Variants in ADCY8 observed in about 807,000 individuals in gnomAD.
The protein encoded by ADCY8 is adenylate cyclase type 8.
A neutral mutation model predicts 119.7 loss-of-function variants in ADCY8; 51 were observed. That is an observed-to-expected ratio of 0.43 (90% CI 0.34 to 0.54). The LOEUF (loss-of-function observed/expected upper bound fraction) is 0.54, where lower values mean the gene tolerates loss of function less well. Among genes scored for constraint, ADCY8 ranks in the 20% least tolerant of loss-of-function variants. The probability of loss-of-function intolerance (pLI) is 0.03; values close to 1 mark genes in which losing one functional copy is unlikely to be tolerated. For missense variants in ADCY8, 1,383 were observed against 1,598.8 expected (o/e 0.87, Z 2.30); for synonymous variants, 665 against 651.0 (o/e 1.02, Z -0.33).
intron 5 of ADCY8, among the ~76,000 whole-genome samples, chr8:130,926,714 A>T (rs1405690413): frequency 6.6e-6 from 1 of 152,054 alleles, no homozygotes; most frequent in Non-Finnish European, 1.5e-5. Context: ...GAAATTTTGT[A>T]TCTTTTGATT....
chr8:130,867,815 T>G lies in ADCY8; in HGVS notation c.2210+31A>C, dbSNP rs1818180049. On this transcript the variant is annotated intron_variant, in intron 9 of 17. Coordinates refer to ENST00000286355, the MANE Select transcript of ADCY8 (RefSeq NM_001115.3). ...ACATGAGGAATCTCACAAAGATATT[T>G]CACCAGATCAATTAGTTCTTTTACA... 4 of 1,479,290 alleles carry G rather than the reference T, an allele frequency of 2.7e-6. No homozygotes were observed. In the South Asian group the frequency reaches 4.7e-5, roughly 17 times the overall value. The allele number at this position is 1,479,290 out of a possible 1,614,324, so 91.6% of individuals were successfully genotyped here.
At chr8:130,950,385 C>A (rs74505939) in intron 3 of ADCY8, among the ~76,000 whole-genome samples, 1,645 of 152,222 alleles carry the variant, frequency 0.011, 36 homozygotes, top group African/African-American at 0.037. Flanking sequence ...GCAAAGACAG[C>A]AATGTCAGTT....
At chr8:130,964,012 T>A (rs962243077) in intron 2 of ADCY8, among the ~76,000 whole-genome samples, 1 of 152,214 alleles carries the variant, frequency 6.6e-6, no homozygotes, top group Non-Finnish European at 1.5e-5. Flanking sequence ...ATTCCTTTGA[T>A]CATGCTAGAT....
rs528076818 is a variant in ADCY8, at chr8:130,828,578, G to A, written c.2676-7158C>T. Among the ~76,000 whole-genome samples, 13 of 152,290 alleles carry A rather than the reference G, an allele frequency of 8.5e-5. 1 individual carries two copies. In the South Asian group the frequency reaches 2.1e-3, roughly 24 times the overall value. On this transcript the variant is annotated intron_variant, in intron 12 of 17. Transcript: ENST00000286355. ...ATCCTTTCCATGAGGCAGATTGTTG[G>A]TCTTTTTCTGAAACACCCTAGCTTC...
intron 8 of ADCY8, among the ~76,000 whole-genome samples, chr8:130,869,899 GTAGT>G (rs1307193880): frequency 2.6e-5 from 4 of 151,888 alleles, no homozygotes; most frequent in African/African-American, 9.7e-5. Context: ...TCATTTTAGT[GTAGT>G]TAATCAGTAC....
rs534318440 is a variant in ADCY8, at chr8:130,866,005, G to T, written c.2210+1841C>A. On this transcript the variant is annotated intron_variant, in intron 9 of 17. Transcript: ENST00000286355. The stretch of plus-strand genomic sequence containing the variant: ...CTGTTGGCTGTATTGAGATCCTTTT[G>T]TTCCCCGGTGTGACATGCCCAGTAC... Among the ~76,000 whole-genome samples the T allele has an allele frequency of 6.7e-4, 102 of 152,174 alleles. 2 individuals are homozygous for T. Among genetic ancestry groups the T allele is most frequent in the East Asian group, 3.9e-4 (2 of 5,174 alleles).
At chr8:130,985,003 G>A (rs996660280) in intron 2 of ADCY8, among the ~76,000 whole-genome samples, 1 of 152,162 alleles carries the variant, frequency 6.6e-6, no homozygotes, top group Non-Finnish European at 1.5e-5. Context: ...AGGGGTCAAG[G>A]AGAGGCCCTT....
At chr8:130,893,882 G>A (rs535241159) in intron 7 of ADCY8, among the ~76,000 whole-genome samples, 6 of 148,054 alleles carry the variant, frequency 4.1e-5, no homozygotes, top group African/African-American at 7.9e-5. Context: ...GTGTGTTTGC[G>A]GGTGTGCATG....
chr8:130,887,283 C>T (rs1198707195), intron 7 of ADCY8, among the ~76,000 whole-genome samples: 7 of 152,062 alleles, frequency 4.6e-5, no homozygotes, highest in Non-Finnish European at 1.0e-4. Flanking sequence ...TTCGAAACTC[C>T]CCTGCTCCTC....
intron 7 of ADCY8, among the ~76,000 whole-genome samples, chr8:130,890,774 G>A (rs980877193): frequency 6.6e-6 from 1 of 152,154 alleles, no homozygotes; most frequent in Non-Finnish European, 1.5e-5. Flanking sequence ...CAGCACCTGG[G>A]CTAACTTCAG....
chr8:130,901,668 G>C (rs916842818), intron 7 of ADCY8, among the ~76,000 whole-genome samples: 29 of 152,162 alleles, frequency 1.9e-4, no homozygotes, highest in Non-Finnish European at 3.5e-4. Flanking sequence ...TTGAATACTT[G>C]TGACGGTTTT....
intron 1 of ADCY8, among the ~76,000 whole-genome samples, chr8:131,012,803 T>C (rs929398282): frequency 6.6e-6 from 1 of 152,186 alleles, no homozygotes; most frequent in African/African-American, 2.4e-5. Flanking sequence ...TTGACTGTGG[T>C]CTCTGTTGAA....
intron 15 of ADCY8, among the ~76,000 whole-genome samples, chr8:130,787,309 G>C (rs1034483595): frequency 2.0e-5 from 3 of 152,136 alleles, no homozygotes; most frequent in Non-Finnish European, 4.4e-5. Context: ...GTTAGGGATG[G>C]AGTCAGATAT....
At chr8:130,967,085 T>C (rs1477284917) in intron 2 of ADCY8, among the ~76,000 whole-genome samples, 1 of 152,240 alleles carries the variant, frequency 6.6e-6, no homozygotes, top group East Asian at 1.9e-4. Context: ...AAATTTTTGT[T>C]GCCAAAATCT....
chr8:130,990,567 G>A (rs767263506), intron 1 of ADCY8, 25 bp from the exon 2 acceptor site: 2 of 1,601,806 alleles, frequency 1.2e-6, no homozygotes, highest in South Asian at 1.1e-5. Context: ...GTCTGGTCAG[G>A]CGCTTAAAAC....
chr8:130,951,146 C>T (rs1457362475), intron 3 of ADCY8, among the ~76,000 whole-genome samples: 1 of 142,474 alleles, frequency 7.0e-6, no homozygotes, highest in Non-Finnish European at 1.5e-5. Flanking sequence ...TTATATGATC[C>T]ACATAAAACT....
At position 130,903,954 on chromosome 8, in the gene ADCY8, G is replaced by C. The variant is rs865821044; in HGVS notation, c.1729C>G (p.Leu577Val). ...TAAGTTTCGATATTATGCTTCCTCA[G>C]GAATTCATTCCTCTCTTTACCATGG... ...EGHGKERNEF[L>V]RKHNIETYLI... Residue 577 changes from leucine to valine, a missense_variant, in exon 7 of 18, where the codon CTG becomes GTG. By Grantham distance (32) the Leu-to-Val change is conservative. Coordinates refer to ENST00000286355, the MANE Select transcript of ADCY8 (RefSeq NM_001115.3). 1 of 1,614,150 alleles carries C rather than the reference G, an allele frequency of 6.2e-7. No individual in the cohort carries two copies.
At chr8:131,018,878 G>T (rs1823562977) in intron 1 of ADCY8, among the ~76,000 whole-genome samples, 1 of 152,154 alleles carries the variant, frequency 6.6e-6, no homozygotes, top group South Asian at 2.1e-4. Context: ...TAACATATAA[G>T]GAAGGGCATG....
chr8:131,038,978 G>A (rs575716700), intron 1 of ADCY8, among the ~76,000 whole-genome samples: 1 of 152,280 alleles, frequency 6.6e-6, no homozygotes, highest in East Asian at 1.9e-4. Flanking sequence ...ACAACACCCT[G>A]CTGCGACTCT....
Sources: gnomAD v4.1 joint callset for allele counts (sites outside exome capture counted in the v4.1 genomes callset) on GRCh38, gnomAD v4.1.1 for gene constraint, MANE v1.5 for transcripts, NCBI Gene and HGNC (gene_info 2026-07-23, HGNC 2026-07-21) for gene names.